RGS12: variants seen among roughly 807,000 people sequenced by gnomAD.
RGS12 encodes the protein regulator of G-protein signaling 12.
In RGS12, 66 loss-of-function variants were observed where a neutral mutation model predicts 120.1. The ratio of observed to expected loss-of-function variants is 0.55; its 90% CI spans 0.45 to 0.67. The LOEUF (loss-of-function observed/expected upper bound fraction) is 0.67, where lower values mean the gene tolerates loss of function less well. Ranked by LOEUF, RGS12 falls within the 30% of genes least tolerant of loss-of-function variation. The pLI, the probability that RGS12 is intolerant of heterozygous loss-of-function variation, is 0.00. For missense variants in RGS12, 1,859 were observed against 1,957.7 expected (o/e 0.95, Z 0.95); for synonymous variants, 827 against 804.7 (o/e 1.03, Z -0.47).
intron 11 of RGS12, 22 bp downstream of exon 11, chr4:3,422,592 C>T (rs760038970): frequency 1.3e-5 from 21 of 1,602,738 alleles, no homozygotes; most frequent in Middle Eastern, 3.6e-4. Flanking sequence ...GCCTGACCCT[C>T]GTGCTGCCCT....
chr4:3,431,949 C>T, intron 17 of RGS12: 3 of 985,472 alleles, frequency 3.0e-6, no homozygotes, highest in Non-Finnish European at 2.4e-6. Context: ...ATATCTGGGC[C>T]TTTGGAGGCC....
intron 3 of RGS12, chr4:3,370,315 C>T (rs369996377): frequency 4.3e-6 from 7 of 1,613,984 alleles, no homozygotes; most frequent in Non-Finnish European, 5.9e-6. Flanking sequence ...TTTCTAATGA[C>T]CAGCAGGTAA....
chr4:3,301,435 TAC>T (rs1207666700), intron 1 of RGS12, among the ~76,000 whole-genome samples: 1 of 152,244 alleles, frequency 6.6e-6, no homozygotes, highest in Non-Finnish European at 1.5e-5. Context: ...GTAGGTGGGT[TAC>T]CAGGTGTCGG....
At position 3,374,397 on chromosome 4, in the gene RGS12, G is replaced by A. The variant is rs544263127; in HGVS notation, c.1999-12019G>A. ...GTCTCCTTCCGCCACCACCTTCCAC[G>A]ACAGGCTCGATTCGTCCCTCGCATG... On this transcript the variant is annotated intron_variant, in intron 3 of 17. Transcript: ENST00000336727. This position sits in a 1 kb window ranked among gnomAD's most constrained non-coding sequence, Gnocchi z 6.3. Among the ~76,000 whole-genome samples, 6 of 152,244 alleles carry A rather than the reference G, an allele frequency of 3.9e-5. No homozygotes were observed. Among genetic ancestry groups the A allele is most frequent in the East Asian group, 3.9e-4 (2 of 5,160 alleles).
intron 10 of RGS12, 83 bp from the exon 11 acceptor site, chr4:3,422,292 TG>T: frequency 7.1e-7 from 1 of 1,409,948 alleles, no homozygotes; most frequent in Non-Finnish European, 9.6e-7. Context: ...ACGTGCGGCC[TG>T]GGCCAGCTGG....
chr4:3,349,023 A>C (rs1309963561), intron 3 of RGS12, among the ~76,000 whole-genome samples: 5 of 152,374 alleles, frequency 3.3e-5, no homozygotes, highest in African/African-American at 1.2e-4. Context: ...TTGTTTTATA[A>C]ACATACTTCA....
chr4:3,410,482 G>T (rs1002502672), intron 4 of RGS12, among the ~76,000 whole-genome samples: 12 of 152,124 alleles, frequency 7.9e-5, no homozygotes, highest in Non-Finnish European at 1.6e-4. Context: ...CTGTGCCTTT[G>T]GGGGGGCTGT....
Position 3,430,761 on chromosome 4 carries a change from C to A in RGS12, c.3920C>A (p.Ser1307Tyr), listed in dbSNP as rs1724199254. The A allele has an allele frequency of 6.2e-7, 1 of 1,609,834 alleles. No individual in the cohort carries two copies. The highest frequency in any genetic ancestry group is 8.5e-7 in the Non-Finnish European group (1 of 1,178,246). The change falls in exon 17 of 18, where the codon TCC becomes TAC. Residue 1307 changes from serine to tyrosine, a missense_variant. Transcript: ENST00000336727. ...GPFCTPQSPV[S>Y]LAQEGTAQIW... Reference sequence around the variant, plus strand: ...TTCTGCACTCCCCAGTCCCCCGTCTCCCTCGCGCAGGAGGGCACCGCCCAG... The same window carrying A: ...TTCTGCACTCCCCAGTCCCCCGTCTACCTCGCGCAGGAGGGCACCGCCCAG...
At position 3,316,697 on chromosome 4, in the gene RGS12, C is replaced by T. The variant is rs761523861; in HGVS notation, c.527C>T (p.Ala176Val). 7.4e-6 allele frequency: 12 copies of T among 1,614,124 alleles called. No individual in the cohort carries two copies. Among genetic ancestry groups the T allele is most frequent in the Non-Finnish European group, 1.0e-5 (12 of 1,180,018 alleles). ...CAAAGATCCCTTTCAGAGTCGGCCG[C>T]AACTCGATTTGATGTTGGACATGAA... is the stretch of plus-strand genomic sequence containing the variant. ...LKQRSLSESAATRFDVGHESI... is the reference protein window; with the variant it reads ...LKQRSLSESAVTRFDVGHESI... The change falls in exon 2 of 18, where the codon GCA becomes GTA. Residue 176 changes from alanine to valine, a missense_variant. Transcript: ENST00000336727.
At chr4:3,294,597 G>C (rs572940254) in intron 1 of RGS12, among the ~76,000 whole-genome samples, 2 of 152,356 alleles carry the variant, frequency 1.3e-5, no homozygotes, top group South Asian at 4.1e-4. Context: ...CTGCAGGTGG[G>C]GGAGGCCATG....
rs778918864 is a variant in RGS12, at chr4:3,316,755, T to C, written c.585T>C (p.Ser195=). The C allele has an allele frequency of 1.9e-6, 3 of 1,614,200 alleles. No homozygotes were observed. Among genetic ancestry groups the C allele is most frequent in the Non-Finnish European group, 1.7e-6 (2 of 1,180,032 alleles). The part of the protein sequence containing the change: ...SINNPNPNML[S]KEEISKVIHD... The stretch of plus-strand genomic sequence containing the variant: ...ATAATCCAAATCCCAACATGCTTTC[T>C]AAGGAGGAAATATCAAAAGTTATTC... The change falls in exon 2 of 18, where the codon TCT becomes TCC. Residue 195 remains serine (S), a synonymous_variant. Transcript: ENST00000336727.
At chr4:3,292,364 AC>A (rs1343007289), upstream of RGS12, among the ~76,000 whole-genome samples, 7 of 152,100 alleles carry the variant, frequency 4.6e-5, no homozygotes, top group African/African-American at 1.7e-4. Flanking sequence ...GACCCGCTGG[AC>A]GCCGCAGTCA....
At chr4:3,431,025 G>C (rs1724249353) in intron 17 of RGS12, 70 bp downstream of exon 17, 1 of 1,559,490 alleles carries the variant, frequency 6.4e-7, no homozygotes, top group African/African-American at 1.4e-5. Context: ...AGTCAGAAAG[G>C]ACAGTGGGCC....
At chr4:3,360,213 CT>C (rs1715425323) in intron 3 of RGS12, among the ~76,000 whole-genome samples, 1 of 152,140 alleles carries the variant, frequency 6.6e-6, no homozygotes, top group Admixed American at 6.5e-5. Context: ...AATAATGTCC[CT>C]TTTATCATTT....
intron 13 of RGS12, among the ~76,000 whole-genome samples, chr4:3,424,974 A>G (rs1403728227): frequency 6.6e-6 from 1 of 152,248 alleles, no homozygotes; most frequent in Non-Finnish European, 1.5e-5. Context: ...TTTTCTTAAC[A>G]GTGACTATGG....
intron 1 of RGS12, among the ~76,000 whole-genome samples, chr4:3,310,803 G>T (rs1455906221): frequency 1.3e-5 from 2 of 152,284 alleles, no homozygotes; most frequent in South Asian, 2.1e-4. Flanking sequence ...GCCTGCGGGG[G>T]CAGGTCCCAG....
At chr4:3,429,850 C>T (rs1465596408) in intron 16 of RGS12, among the ~76,000 whole-genome samples, 1 of 152,182 alleles carries the variant, frequency 6.6e-6, no homozygotes, top group Non-Finnish European at 1.5e-5. Context: ...CACCCTCTGC[C>T]CAGAGGCAGT....
chr4:3,417,667 G>A lies in RGS12; in HGVS notation c.2761+126G>A, dbSNP rs762469541. Reference sequence around the variant, plus strand: ...CAGTGAGAGGCCCTGTTGGCGGGTCGAGGAAGCTTCTCTGAATGAATAAGG... The same window carrying A: ...CAGTGAGAGGCCCTGTTGGCGGGTCAAGGAAGCTTCTCTGAATGAATAAGG... On this transcript the variant is annotated intron_variant, in intron 9 of 17. Transcript: ENST00000336727. The A allele has an allele frequency of 2.0e-5, 20 of 990,574 alleles. No individual in the cohort carries two copies. In the East Asian group the frequency reaches 4.2e-4, roughly 21 times the overall value. 61.4% of individuals were successfully genotyped at this position (990,574 alleles called of 1,614,324 possible). A position where few individuals can be genotyped will look rare whatever the true frequency, so the allele number is the denominator to read the frequency against.
chr4:3,438,147 C>G (rs1724988877), intron 17 of RGS12, among the ~76,000 whole-genome samples: 1 of 152,148 alleles, frequency 6.6e-6, no homozygotes, highest in Non-Finnish European at 1.5e-5. Context: ...CTGGCTCTTC[C>G]TGCCTCCTGT....
Sources: gnomAD v4.1 joint callset for allele counts (sites outside exome capture counted in the v4.1 genomes callset) on GRCh38, gnomAD v4.1.1 for gene constraint, Gnocchi (gnomAD v3.1) non-coding constraint, MANE v1.5 for transcripts, NCBI Gene and HGNC (gene_info 2026-07-23, HGNC 2026-07-21) for gene names.